The following ZBBX variants were observed in gnomAD, a reference collection of about 807,000 sequenced individuals.
The protein encoded by ZBBX is zinc finger B-box domain containing.
Under a neutral mutation model 108.5 loss-of-function variants are expected in ZBBX, and 101 were observed. The ratio of observed to expected loss-of-function variants is 0.93; its 90% CI spans 0.79 to 1.10. The LOEUF is 1.10. Ranked by LOEUF, ZBBX falls within the 50% of genes least tolerant of loss-of-function variation. The probability of loss-of-function intolerance (pLI) is 0.00; values close to 1 mark genes in which losing one functional copy is unlikely to be tolerated. For synonymous variants in ZBBX, 356 were observed against 323.4 expected (o/e 1.10, Z -1.08); for missense variants, 1,009 against 941.4 (o/e 1.07, Z -0.94).
chr3:167,295,062 G>A (rs1236883889), intron 18 of ZBBX, among the ~76,000 whole-genome samples: 2 of 152,164 alleles, frequency 1.3e-5, no homozygotes, highest in Non-Finnish European at 2.9e-5. Flanking sequence ...GAGAGGATGT[G>A]GAGAAAGAGG....
chr3:167,402,723 GAATAA>G (rs571281131), intron 1 of ZBBX, among the ~76,000 whole-genome samples: 1 of 149,834 alleles, frequency 6.7e-6, no homozygotes, highest in Non-Finnish European at 1.5e-5. Flanking sequence ...TCTCAGCAGA[GAATAA>G]AATAAAATAA....
chr3:167,348,356 G>GAAAAGAA (rs1553832871), intron 9 of ZBBX, among the ~76,000 whole-genome samples: 1 of 115,016 alleles, frequency 8.7e-6, no homozygotes, highest in African/African-American at 3.5e-5. Flanking sequence ...AAGAAAGAAA[G>GAAAAGAA]AAAGAAAGAA....
upstream of ZBBX, among the ~76,000 whole-genome samples, chr3:167,383,056 A>T (rs568900658): frequency 6.6e-6 from 1 of 152,262 alleles, no homozygotes; most frequent in South Asian, 2.1e-4. Context: ...ACTGTATCAC[A>T]TGTATATTCT....
intron 1 of ZBBX, among the ~76,000 whole-genome samples, chr3:167,405,978 ATCACTTGAAC>A (rs533437439): frequency 6.6e-6 from 1 of 151,648 alleles, no homozygotes; most frequent in East Asian, 1.9e-4. Flanking sequence ...AGGCAGGAGA[ATCACTTGAAC>A]CCGGGGGGCA....
intron 20 of ZBBX, among the ~76,000 whole-genome samples, chr3:167,271,614 C>T (rs1726531672): frequency 1.3e-5 from 2 of 152,252 alleles, no homozygotes; most frequent in African/African-American, 2.4e-5. Context: ...CCATGTGTGA[C>T]GTAGTTCTCA....
chr3:167,256,490 G>C (rs1167346867), intron 20 of ZBBX, among the ~76,000 whole-genome samples: 1 of 151,858 alleles, frequency 6.6e-6, no homozygotes, highest in Admixed American at 6.6e-5. Flanking sequence ...ATTTTAAAAT[G>C]TACAATTAAA....
At chr3:167,272,150 T>G (rs1726638921) in intron 20 of ZBBX, among the ~76,000 whole-genome samples, 2 of 152,230 alleles carry the variant, frequency 1.3e-5, no homozygotes, top group Admixed American at 6.5e-5. Context: ...TTTATTGCCC[T>G]GTTAAGAATC....
intron 4 of ZBBX, among the ~76,000 whole-genome samples, chr3:167,370,325 G>A (rs1271789284): frequency 2.0e-5 from 3 of 151,132 alleles, no homozygotes. Context: ...GAACAAGGAA[G>A]AAATCTAAAA....
chr3:167,328,235 C>G (rs904899179), intron 10 of ZBBX, 119 bp from the exon 11 acceptor site: 2 of 971,054 alleles, frequency 2.1e-6, no homozygotes, highest in African/African-American at 3.3e-5. Flanking sequence ...TTAGTCATCA[C>G]AAATCAGACT....
At chr3:167,342,060 A>G (rs956857522) in intron 9 of ZBBX, among the ~76,000 whole-genome samples, 52 of 152,020 alleles carry the variant, frequency 3.4e-4, no homozygotes, top group African/African-American at 1.2e-3. Flanking sequence ...AATGAAATGA[A>G]TAACATCTTT....
chr3:167,399,081 G>A (rs772823064), intron 1 of ZBBX, among the ~76,000 whole-genome samples: 3 of 151,492 alleles, frequency 2.0e-5, no homozygotes, highest in Non-Finnish European at 4.4e-5. Flanking sequence ...GGCTCTCACC[G>A]GATGCAGACA....
chr3:167,361,646 G>A (rs1016450729), intron 6 of ZBBX, among the ~76,000 whole-genome samples: 4 of 152,120 alleles, frequency 2.6e-5, no homozygotes, highest in Admixed American at 2.6e-4. Flanking sequence ...ATTCTTCAAA[G>A]TAACTGCTCA....
intron 8 of ZBBX, among the ~76,000 whole-genome samples, chr3:167,359,617 A>G (rs1744183510): frequency 1.3e-5 from 2 of 152,156 alleles, no homozygotes; most frequent in East Asian, 3.8e-4. Context: ...TATGACTCAA[A>G]GGAGCGGAGA....
At chr3:167,238,985 T>C (rs1194847327), downstream of ZBBX, among the ~76,000 whole-genome samples, 1 of 152,108 alleles carries the variant, frequency 6.6e-6, no homozygotes, top group African/African-American at 2.4e-5. Flanking sequence ...TATATATCTA[T>C]ATCTATCTAT....
intron 7 of ZBBX, 72 bp from the exon 8 acceptor site, chr3:167,360,051 A>G (rs1255500775): frequency 2.5e-6 from 2 of 789,676 alleles, no homozygotes; most frequent in East Asian, 6.2e-5. Context: ...TAAATTAATG[A>G]AACTATGCAT....
chr3:167,344,829 T>C (rs1223920183), intron 9 of ZBBX, among the ~76,000 whole-genome samples: 1 of 151,886 alleles, frequency 6.6e-6, no homozygotes, highest in African/African-American at 2.4e-5. Context: ...GTATGTATAG[T>C]TCTCCTTGTT....
At chr3:167,357,296 C>G (rs1282797541) in intron 8 of ZBBX, among the ~76,000 whole-genome samples, 2 of 152,090 alleles carry the variant, frequency 1.3e-5, no homozygotes, top group Non-Finnish European at 2.9e-5. Flanking sequence ...AGGAAGCCAG[C>G]TGAATGAAGA....
At chr3:167,231,604 G>C in the ZBBX span, among the ~76,000 whole-genome samples, 6 of 151,700 alleles carry the variant, frequency 4.0e-5, no homozygotes, top group East Asian at 1.2e-3. Flanking sequence ...TTACTAATGA[G>C]GGGAGCAAAA....
rs867953936 is a variant in ZBBX, at chr3:167,323,241, G to A, written c.863-1004C>T. Among the ~76,000 whole-genome samples, 21 of 139,244 alleles carry A rather than the reference G, an allele frequency of 1.5e-4. 1 individual carries two copies. The highest frequency in any genetic ancestry group is 4.2e-4 in the Admixed American group (6 of 14,186). 91.3% of individuals were successfully genotyped at this position (139,244 alleles called of 152,430 possible). Reference sequence around the variant, plus strand: ...TTCTTGACAGGAGAGCTAAAAGAGGGGGGGGGGGGAAAGAACTCTTTTGTT... The same window carrying A: ...TTCTTGACAGGAGAGCTAAAAGAGGAGGGGGGGGGAAAGAACTCTTTTGTT... On this transcript the variant is annotated intron_variant, in intron 11 of 21. Coordinates refer to ENST00000675490, the MANE Select transcript of ZBBX (RefSeq NM_001199201.2).
Sources: allele counts gnomAD v4.1 joint callset (sites outside exome capture counted in the v4.1 genomes callset), GRCh38; gene constraint gnomAD v4.1.1; transcripts MANE v1.5; gene names NCBI Gene and HGNC (gene_info 2026-07-23, HGNC 2026-07-21).